The following CSMD1 variants were observed in gnomAD, a reference collection of about 807,000 sequenced individuals.
The protein encoded by CSMD1 is CUB and Sushi multiple domains 1.
CSMD1 carries 213 observed loss-of-function variants against 417.5 expected under a neutral mutation model. The ratio of observed to expected loss-of-function variants is 0.51; its 90% CI spans 0.46 to 0.57. The LOEUF is 0.57. CSMD1 is among the 20% of genes least tolerant of loss of function. The pLI, the probability that CSMD1 is intolerant of heterozygous loss-of-function variation, is 0.00. For synonymous variants in CSMD1, 2,862 were observed against 1,736.8 expected (o/e 1.65, Z -16.11); for missense variants, 6,923 against 4,529.7 (o/e 1.53, Z -15.17).
chr8:3,469,621 C>T (rs1433236842), intron 11 of CSMD1, among the ~76,000 whole-genome samples: 1 of 152,136 alleles, frequency 6.6e-6, no homozygotes, highest in African/African-American at 2.4e-5. Context: ...ATCAATTCAA[C>T]CAAAACAAAT....
chr8:4,446,575 A>G (rs1410557236), intron 2 of CSMD1, among the ~76,000 whole-genome samples: 2 of 152,070 alleles, frequency 1.3e-5, no homozygotes, highest in East Asian at 3.9e-4. Context: ...TGTGGGGAAG[A>G]TGGAGTCTCA....
intron 10 of CSMD1, among the ~76,000 whole-genome samples, chr8:3,508,261 C>A (rs1017547399): frequency 6.6e-6 from 1 of 150,434 alleles, no homozygotes; most frequent in Admixed American, 6.7e-5. Flanking sequence ...ACAGATGATG[C>A]AAGACATAGA....
At chr8:4,925,214 G>A (rs1313661362) in intron 1 of CSMD1, among the ~76,000 whole-genome samples, 1 of 41,568 alleles carries the variant, frequency 2.4e-5, no homozygotes, top group Admixed American at 3.6e-4. Flanking sequence ...CCAGTTTTAT[G>A]GTTTTTTTTT....
chr8:3,337,993 T>A (rs779283027), intron 23 of CSMD1, among the ~76,000 whole-genome samples: 4 of 152,208 alleles, frequency 2.6e-5, no homozygotes, highest in Non-Finnish European at 5.9e-5. Flanking sequence ...TAGACACTTC[T>A]CTAGCTTCCT....
chr8:4,661,119 A>G (rs1204922380), intron 1 of CSMD1, among the ~76,000 whole-genome samples: 1 of 152,208 alleles, frequency 6.6e-6, no homozygotes, highest in Non-Finnish European at 1.5e-5. Context: ...ACTACTAGGC[A>G]TTTATCCTAG....
intron 5 of CSMD1, among the ~76,000 whole-genome samples, chr8:3,800,907 G>GAAAT: frequency 6.6e-6 from 1 of 152,120 alleles, no homozygotes; most frequent in East Asian, 1.9e-4. Flanking sequence ...AACCATGAGT[G>GAAAT]AAATAAACCT....
In CSMD1 at chr8:3,542,775, T is replaced by G. The variant is rs200679413; in HGVS notation, c.1344+32170A>C. ...TGGAACAGCTTGGACTCTCTTCCAG[T>G]CTTTCCCCAGGACAGGATATCCTTC... On this transcript the variant is annotated intron_variant, in intron 10 of 69. Coordinates refer to ENST00000635120, the MANE Select transcript of CSMD1 (RefSeq NM_033225.6). Among the ~76,000 whole-genome samples, 32 of 152,308 alleles carry G rather than the reference T, an allele frequency of 2.1e-4. No individual in the cohort carries two copies. In the East Asian group the frequency reaches 5.4e-3, roughly 26 times the overall value.
At chr8:4,041,720 A>G (rs1797904387) in intron 3 of CSMD1, among the ~76,000 whole-genome samples, 1 of 152,200 alleles carries the variant, frequency 6.6e-6, no homozygotes, top group Non-Finnish European at 1.5e-5. Flanking sequence ...TAAAACTGTT[A>G]TTAGAACTGT....
intron 3 of CSMD1, among the ~76,000 whole-genome samples, chr8:4,405,709 C>T (rs749336002): frequency 2.8e-4 from 43 of 152,180 alleles, no homozygotes; most frequent in Non-Finnish European, 5.6e-4. Context: ...GTGTCTATTG[C>T]TTCTTATGAA....
intron 12 of CSMD1, 117 bp downstream of exon 12, chr8:3,468,595 C>G (rs1816915417): frequency 1.6e-6 from 1 of 607,030 alleles, no homozygotes; most frequent in East Asian, 2.9e-5. Flanking sequence ...GTCATGATTC[C>G]TATTTATCAG....
chr8:4,950,412 T>G (rs951805128), intron 1 of CSMD1, among the ~76,000 whole-genome samples: 1 of 152,176 alleles, frequency 6.6e-6, no homozygotes, highest in South Asian at 2.1e-4. Flanking sequence ...ACAAGCGTTT[T>G]TAGATTCTTT....
At chr8:4,440,717 C>T (rs527672097) in intron 2 of CSMD1, among the ~76,000 whole-genome samples, 80 of 152,092 alleles carry the variant, frequency 5.3e-4, no homozygotes, top group Admixed American at 2.1e-3. Flanking sequence ...TAATTCTGGC[C>T]GGGTGTGGTG....
intron 2 of CSMD1, among the ~76,000 whole-genome samples, chr8:4,594,195 C>CTTTTTTTTTTTTTTTTTT (rs771415822): frequency 1.1e-5 from 1 of 92,374 alleles, no homozygotes; most frequent in Non-Finnish European, 2.1e-5. Context: ...CTAAAGTGAT[C>CTTTTTTTTTTTTTTTTTT]TTTTTTTTTT....
At chr8:3,525,821 G>A (rs1464047154) in intron 10 of CSMD1, among the ~76,000 whole-genome samples, 4 of 151,908 alleles carry the variant, frequency 2.6e-5, no homozygotes, top group African/African-American at 4.8e-5. Context: ...GTTGACACAC[G>A]GAAAAAATCA....
At chr8:4,087,863 G>A (rs1267454208) in intron 3 of CSMD1, among the ~76,000 whole-genome samples, 1 of 151,954 alleles carries the variant, frequency 6.6e-6, no homozygotes, top group East Asian at 1.9e-4. Context: ...CGTGACCTAG[G>A]TGAATTTCTA....
Position 4,762,740 on chromosome 8 carries a change from A to C in CSMD1, c.86-125182T>G, listed in dbSNP as rs570343503. Among the ~76,000 whole-genome samples, 4 of 152,182 alleles carry C rather than the reference A, an allele frequency of 2.6e-5. No individual in the cohort carries two copies. The South Asian group carries it at 8.3e-4, about 32-fold the overall frequency. On this transcript the variant is annotated intron_variant, in intron 1 of 69. Coordinates refer to ENST00000635120, the MANE Select transcript of CSMD1 (RefSeq NM_033225.6). ...GAGCTATTGTGCTTCCTCCATCTCA[A>C]TTCAGTGCTCCTGCAGCCTGAATCT...
intron 50 of CSMD1, among the ~76,000 whole-genome samples, chr8:3,034,963 A>G (rs752902930): frequency 6.6e-6 from 1 of 152,174 alleles, no homozygotes; most frequent in Non-Finnish European, 1.5e-5. Context: ...ACGGCTTTCT[A>G]CTGAGCTCTC....
intron 1 of CSMD1, among the ~76,000 whole-genome samples, chr8:4,695,619 C>A (rs1807078109): frequency 6.6e-5 from 10 of 152,128 alleles, no homozygotes; most frequent in Admixed American, 6.5e-4. Context: ...CTTCCCCATT[C>A]TCAACATACG....
intron 2 of CSMD1, among the ~76,000 whole-genome samples, chr8:4,480,763 T>C (rs1276644007): frequency 6.6e-6 from 1 of 152,228 alleles, no homozygotes; most frequent in Non-Finnish European, 1.5e-5. Context: ...CTGCATTATA[T>C]GTTGAAGACG....
Sources: gnomAD v4.1 joint callset for allele counts (sites outside exome capture counted in the v4.1 genomes callset) on GRCh38, gnomAD v4.1.1 for gene constraint, MANE v1.5 for transcripts, NCBI Gene and HGNC (gene_info 2026-07-23, HGNC 2026-07-21) for gene names.